ZNF75D: variants seen among roughly 807,000 people sequenced by gnomAD.
ZNF75D encodes the protein zinc finger protein 75D, also known as zinc finger protein 75.
ZNF75D carries 33 observed loss-of-function variants against 33.3 expected under a neutral mutation model. The observed-to-expected ratio is 0.99, with a 90% CI of 0.75 to 1.32. The LOEUF (loss-of-function observed/expected upper bound fraction) is 1.32, where lower values mean the gene tolerates loss of function less well. ZNF75D is among the 40% of genes most tolerant of loss of function. The probability of loss-of-function intolerance (pLI) is 0.00; values close to 1 mark genes in which losing one functional copy is unlikely to be tolerated. For synonymous variants in ZNF75D, 113 were observed against 130.6 expected, an observed-to-expected ratio of 0.87 and a Z score of 0.92; for missense variants, 338 against 367.5, an observed-to-expected ratio of 0.92 and a Z score of 0.66.
intron 1 of ZNF75D, among the ~76,000 whole-genome samples, chrX:135,317,976 G>A (rs1556432484): frequency 9.1e-6 from 1 of 109,487 alleles, no homozygotes; most frequent in Non-Finnish European, 1.9e-5. Flanking sequence ...TAGGTGGGGA[G>A]TGCACACACC....
chrX:135,258,322 T>C (rs192235428), intron 1 of ZNF75D, among the ~76,000 whole-genome samples: 2 of 110,453 alleles, frequency 1.8e-5, no homozygotes, highest in Non-Finnish European at 3.8e-5. Flanking sequence ...GTAATGTGAT[T>C]ACTGGGTCAA....
At chrX:135,312,342 C>G (rs1211004128) in intron 1 of ZNF75D, among the ~76,000 whole-genome samples, 1 of 111,279 alleles carries the variant, frequency 9.0e-6, no homozygotes, top group African/African-American at 3.3e-5. Flanking sequence ...TTTTTATGGC[C>G]AAATAGTATT....
In ZNF75D at chrX:135,293,774, G is replaced by A; in HGVS notation, c.367C>T (p.Leu123=). The change falls in exon 3 of 7, where the codon CTG becomes TTG. Residue 123 remains leucine (L), a synonymous_variant. Coordinates refer to ENST00000370766, the MANE Select transcript of ZNF75D (RefSeq NM_007131.5). Reference sequence around the variant, plus strand: ...GGCTCCCTCTGCAAGAATTCCACCAGGACCAGAGCCTGTTTGACATTCTGT... The same window carrying A: ...GGCTCCCTCTGCAAGAATTCCACCAAGACCAGAGCCTGTTTGACATTCTGT... ...HPQNVKQALV[L]VEFLQREPDG... 1 of 1,195,760 alleles carries A rather than the reference G, an allele frequency of 8.4e-7. No homozygotes were observed. The highest frequency in any genetic ancestry group is 1.1e-6 in the Non-Finnish European group (1 of 886,374).
intron 1 of ZNF75D, among the ~76,000 whole-genome samples, chrX:135,338,135 G>T (rs782616743): frequency 4.5e-5 from 5 of 111,181 alleles, no homozygotes; most frequent in South Asian, 3.8e-4. Flanking sequence ...CCAGTTGGGG[G>T]TTGGGTGCAT....
In ZNF75D at chrX:135,292,427, G is replaced by C. The variant is rs781940746; in HGVS notation, c.458C>G (p.Thr153Arg). Residue 153 changes from threonine to arginine, a missense_variant, in exon 4 of 7, where the codon ACA becomes AGA. This residue lies in a region of ZNF75D where 254 missense variants were observed against 267.7 expected (regional missense o/e 0.95). Coordinates refer to ENST00000370766, the MANE Select transcript of ZNF75D (RefSeq NM_007131.5). The stretch of plus-strand genomic sequence containing the variant: ...CCACTTGAAGCCTGGGGCCACTGCT[G>C]TTCCTCCCAAGAGCACTGCCTCCTT... ...LGKEAVLLGGTAVAPGFKWKP... is the reference protein window; with the variant it reads ...LGKEAVLLGGRAVAPGFKWKP... 8.3e-7 allele frequency: 1 copy of C among 1,209,827 alleles called. No individual in the cohort carries two copies. Among genetic ancestry groups the C allele is most frequent in the East Asian group, 3.0e-5 (1 of 33,755 alleles).
intron 1 of ZNF75D, among the ~76,000 whole-genome samples, chrX:135,262,562 C>T (rs1350645903): frequency 1.8e-5 from 2 of 111,925 alleles, no homozygotes; most frequent in African/African-American, 3.2e-5. Flanking sequence ...ATCACTGATA[C>T]CCTTTCTTCC....
intron 1 of ZNF75D, among the ~76,000 whole-genome samples, chrX:135,268,903 T>G (rs2083872264): frequency 9.0e-6 from 1 of 111,011 alleles, no homozygotes; most frequent in Non-Finnish European, 1.9e-5. Context: ...CACAGACACA[T>G]AGACCAATGT....
intron 1 of ZNF75D, among the ~76,000 whole-genome samples, chrX:135,311,875 AT>A (rs782035568): frequency 2.4e-4 from 27 of 111,344 alleles, no homozygotes; most frequent in Non-Finnish European, 5.1e-4. Context: ...TTTATTGATA[AT>A]TTTGTACCTG....
At chrX:135,267,821 C>G (rs2083868633) in intron 1 of ZNF75D, among the ~76,000 whole-genome samples, 1 of 100,202 alleles carries the variant, frequency 1.0e-5, no homozygotes, top group Non-Finnish European at 2.1e-5. Flanking sequence ...AAAAAAAAAA[C>G]CTACAGACCA....
intron 1 of ZNF75D, chrX:135,297,681 A>G (rs1167494356): frequency 8.9e-6 from 1 of 112,611 alleles, no homozygotes; most frequent in Non-Finnish European, 1.9e-5. Context: ...TGAGCAAGAT[A>G]AAGAAGGAAA....
At chrX:135,271,658 C>T (rs1223885818) in intron 1 of ZNF75D, among the ~76,000 whole-genome samples, 2 of 111,918 alleles carry the variant, frequency 1.8e-5, no homozygotes, top group African/African-American at 6.5e-5. Context: ...CTCCTATTCA[C>T]CCCATTGTTG....
chrX:135,328,418 T>C (rs1414491973), intron 1 of ZNF75D, among the ~76,000 whole-genome samples: 1 of 111,437 alleles, frequency 9.0e-6, no homozygotes, highest in Non-Finnish European at 1.9e-5. Flanking sequence ...TACTGCCACA[T>C]ACTAGCTATG....
intron 1 of ZNF75D, chrX:135,309,614 C>T (rs1352657121): frequency 1.7e-5 from 5 of 295,518 alleles, no homozygotes; most frequent in Non-Finnish European, 2.9e-5. Context: ...TGGGCAGGAA[C>T]AGAAGTGACA....
intron 1 of ZNF75D, among the ~76,000 whole-genome samples, chrX:135,258,299 G>C (rs782392867): frequency 5.4e-5 from 6 of 110,120 alleles, no homozygotes; most frequent in African/African-American, 9.8e-5. Flanking sequence ...ATAATCCTTT[G>C]GGTATATACC....
chrX:135,263,170 G>A (rs1163415705), intron 1 of ZNF75D, among the ~76,000 whole-genome samples: 1 of 112,625 alleles, frequency 8.9e-6, no homozygotes, highest in Non-Finnish European at 1.9e-5. Flanking sequence ...ATTGCTGCCT[G>A]ATCCTTCCTT....
chrX:135,286,367 T>G lies in ZNF75D; in HGVS notation c.*770A>C, dbSNP rs1401679330. 1 of 111,550 alleles carries G rather than the reference T, an allele frequency of 9.0e-6. No homozygotes were observed. The highest frequency in any genetic ancestry group is 1.9e-5 in the Non-Finnish European group (1 of 53,069). The allele number at this position is 111,550 out of a possible 1,213,427, so 9.2% of individuals were successfully genotyped here. Reference sequence around the variant, plus strand: ...CCATTTACCACTTATCTGTGCTTTCTACAAAAAAAAACCAGATACCTGGAT... The same window carrying G: ...CCATTTACCACTTATCTGTGCTTTCGACAAAAAAAAACCAGATACCTGGAT... On this transcript the variant is annotated 3_prime_UTR_variant, in exon 7 of 7. Transcript: ENST00000370766.
downstream of ZNF75D, among the ~76,000 whole-genome samples, chrX:135,282,232 T>C (rs1411671778): frequency 2.7e-5 from 3 of 111,904 alleles, no homozygotes; most frequent in African/African-American, 9.7e-5. Context: ...AGCGTAGCTT[T>C]GTTGAGCTGT....
downstream of ZNF75D, among the ~76,000 whole-genome samples, chrX:135,284,478 G>A (rs782742573): frequency 1.8e-5 from 2 of 111,725 alleles, no homozygotes; most frequent in Non-Finnish European, 3.8e-5. Context: ...GCACTAATGA[G>A]TCAGCCAGGA....
rs1556420219 is a variant in ZNF75D at position 135,287,821 on chromosome X, T to C, written c.849A>G (p.Gly283=). The change falls in exon 7 of 7, where the codon GGA becomes GGG. Residue 283 remains glycine, a synonymous_variant. Transcript: ENST00000370766. ...SLGLKLKNDT[G]NDHPISVSTS... ...TAGAAACAGATATAGGATGATCATTTCCAGTGTCATTTTTTAGCTTTAACC... is the reference window on the plus strand; with the variant it reads ...TAGAAACAGATATAGGATGATCATTCCCAGTGTCATTTTTTAGCTTTAACC... 1 of 1,206,258 alleles carries C rather than the reference T, an allele frequency of 8.3e-7. No homozygotes were observed. Among genetic ancestry groups the C allele is most frequent in the Admixed American group, 2.2e-5 (1 of 45,243 alleles).
Sources: allele counts gnomAD v4.1 joint callset (sites outside exome capture counted in the v4.1 genomes callset), GRCh38; gene constraint gnomAD v4.1.1; regional missense constraint gnomAD v4.1.1; transcripts MANE v1.5; gene names NCBI Gene and HGNC (gene_info 2026-07-23, HGNC 2026-07-21).